The following MELK variants were observed in gnomAD, a reference collection of about 807,000 sequenced individuals.
MELK encodes pEg3 kinase.
A neutral mutation model predicts 85.0 loss-of-function variants in MELK; 81 were observed. That is an observed-to-expected ratio of 0.95 (90% CI 0.80 to 1.15). The LOEUF (loss-of-function observed/expected upper bound fraction) is 1.15, where lower values mean the gene tolerates loss of function less well. MELK is among the 50% of genes most tolerant of loss of function. The pLI, the probability that MELK is intolerant of heterozygous loss-of-function variation, is 0.00. For synonymous variants in MELK, 252 were observed against 265.0 expected (o/e 0.95, Z 0.48); for missense variants, 754 against 777.5 (o/e 0.97, Z 0.36).
At position 36,677,408 on chromosome 9, in the gene MELK, C is replaced by T; in HGVS notation, c.*71C>T. On this transcript the variant is annotated 3_prime_UTR_variant, in exon 18 of 18. Transcript: ENST00000298048. ...GCCTACATAAAGACTGTTATGATCG[C>T]TTTGATTTTAAAGTTCATTGGAACT... 1 of 1,371,664 alleles carries T rather than the reference C, an allele frequency of 7.3e-7. No individual in the cohort carries two copies. Among genetic ancestry groups the T allele is most frequent in the Non-Finnish European group, 9.6e-7 (1 of 1,036,762 alleles). The allele number at this position is 1,371,664 out of a possible 1,614,324, so 85.0% of individuals were successfully genotyped here.
At chr9:36,593,961 G>A (rs980785417) in intron 4 of MELK, among the ~76,000 whole-genome samples, 3 of 152,102 alleles carry the variant, frequency 2.0e-5, no homozygotes, top group East Asian at 1.9e-4. Context: ...CCTGAGCCAC[G>A]GCGCCTGGCC....
intron 8 of MELK, among the ~76,000 whole-genome samples, chr9:36,620,157 T>C (rs1212595141): frequency 6.6e-6 from 1 of 152,204 alleles, no homozygotes; most frequent in Non-Finnish European, 1.5e-5. Flanking sequence ...AGCCCATTCT[T>C]ATAACCACAA....
intron 7 of MELK, among the ~76,000 whole-genome samples, chr9:36,600,406 T>TG (rs544915014): frequency 8.2e-4 from 121 of 147,458 alleles, no homozygotes; most frequent in Non-Finnish European, 1.5e-3. Flanking sequence ...CTTTTGGAGA[T>TG]GGAGTCTCAC....
Position 36,651,837 on chromosome 9 carries a change from C to T in MELK, c.1013C>T (p.Ser338Phe), listed in dbSNP as rs1450719235. 1.2e-6 allele frequency: 2 copies of T among 1,614,032 alleles called. No homozygotes were observed. Among genetic ancestry groups the T allele is most frequent in the Non-Finnish European group, 1.7e-6 (2 of 1,179,994 alleles). The change falls in exon 12 of 18, where the codon TCC becomes TTC. Residue 338 changes from serine (S) to phenylalanine (F), a missense_variant. Ser to Phe is a radical substitution (Grantham distance 155). Coordinates refer to ENST00000298048, the MANE Select transcript of MELK (RefSeq NM_014791.4). ...KPVRLRLSSF[S>F]CGQASATPFT... is the part of the protein sequence containing the mutation. ...GTTCGTTTAAGGCTTTCTTCTTTCT[C>T]CTGTGGACAAGCCAGTGCTACCCCA...
Position 36,631,375 on chromosome 9 carries a change from C to T in MELK, c.735+1008C>T, listed in dbSNP as rs149742248. On this transcript the variant is annotated intron_variant, in intron 9 of 17. Transcript: ENST00000298048. ...TGGGTTCCCAGGTTCAAGTGGTTCT[C>T]GTGCCTCAGCCTCCCAAGTAGCTGG... 2.5e-3 allele frequency among the ~76,000 whole-genome samples: 383 copies of T among 152,114 alleles called. 1 individual carries two copies. Among genetic ancestry groups the T allele is most frequent in the African/African-American group, 8.6e-3 (355 of 41,484 alleles).
chr9:36,646,410 G>T (rs1290099607), intron 11 of MELK, among the ~76,000 whole-genome samples: 1 of 152,120 alleles, frequency 6.6e-6, no homozygotes, highest in East Asian at 1.9e-4. Flanking sequence ...GAGAGAGAGA[G>T]AAACAATATT....
intron 13 of MELK, among the ~76,000 whole-genome samples, chr9:36,660,930 G>A (rs1458048335): frequency 6.6e-6 from 1 of 152,148 alleles, no homozygotes; most frequent in Non-Finnish European, 1.5e-5. Context: ...GGTGGAGTTT[G>A]CAGTGAGCTG....
chr9:36,645,058 G>A (rs1052512432), intron 11 of MELK, among the ~76,000 whole-genome samples: 4 of 151,756 alleles, frequency 2.6e-5, no homozygotes, highest in Admixed American at 2.6e-4. Context: ...CATGAGGTCA[G>A]GAGATTGAGG....
rs530691430 is a variant in MELK, at chr9:36,602,663, G to A, written c.567+3177G>A. On this transcript the variant is annotated intron_variant, in intron 7 of 17. Coordinates refer to ENST00000298048, the MANE Select transcript of MELK (RefSeq NM_014791.4). Reference sequence around the variant, plus strand: ...CAACCTCAGCCTCCTGGGTTCAAGCGATTCTCCTGCCTCAGCCTCCAGAGT... The same window carrying A: ...CAACCTCAGCCTCCTGGGTTCAAGCAATTCTCCTGCCTCAGCCTCCAGAGT... 3.6e-3 allele frequency among the ~76,000 whole-genome samples: 538 copies of A among 149,936 alleles called. 3 individuals carry two copies. Among genetic ancestry groups the A allele is most frequent in the African/African-American group, 0.012 (489 of 40,756 alleles).
chr9:36,651,812 G>A lies in MELK; in HGVS notation c.988G>A (p.Val330Ile), dbSNP rs1830726462. 1 of 1,613,912 alleles carries A rather than the reference G, an allele frequency of 6.2e-7. No homozygotes were observed. Among genetic ancestry groups the A allele is most frequent in the African/African-American group, 1.3e-5 (1 of 74,892 alleles). ...AGCCAAGAAGGCTCGGGGAAAACCAGTTCGTTTAAGGCTTTCTTCTTTCTC... is the reference window on the plus strand; with the variant it reads ...AGCCAAGAAGGCTCGGGGAAAACCAATTCGTTTAAGGCTTTCTTCTTTCTC... Reference protein sequence around the residue: ...LLAKKARGKPVRLRLSSFSCG... With the variant: ...LLAKKARGKPIRLRLSSFSCG... Residue 330 changes from valine to isoleucine, a missense_variant, in exon 12 of 18, where the codon GTT (valine) becomes ATT (isoleucine). Physicochemically the swap from Val to Ile is conservative, Grantham distance 29 (BLOSUM62 3). Transcript: ENST00000298048.
chr9:36,632,027 T>C (rs1828688492), intron 9 of MELK, among the ~76,000 whole-genome samples: 1 of 152,224 alleles, frequency 6.6e-6, no homozygotes, highest in South Asian at 2.1e-4. Flanking sequence ...TGAGTTGATG[T>C]ACTATTGAAT....
intron 7 of MELK, among the ~76,000 whole-genome samples, chr9:36,605,137 CT>C (rs772540882): frequency 2.5e-4 from 38 of 152,072 alleles, no homozygotes; most frequent in Non-Finnish European, 4.7e-4. Flanking sequence ...GGTGATCTGC[CT>C]ACCTTGCTTC....
chr9:36,630,554 T>C (rs1828454992), intron 9 of MELK, among the ~76,000 whole-genome samples, 187 bp downstream of exon 9: 1 of 152,128 alleles, frequency 6.6e-6, no homozygotes, highest in Non-Finnish European at 1.5e-5. Context: ...ACACCTACCA[T>C]ATGTTATAGC....
At chr9:36,630,642 TATTG>T (rs141676240) in intron 9 of MELK, among the ~76,000 whole-genome samples, 4,406 of 152,228 alleles carry the variant, frequency 0.029, 214 homozygotes, top group African/African-American at 0.1. Flanking sequence ...ATTCCAAAAT[TATTG>T]ATTGATTGAT....
chr9:36,648,779 C>T (rs1830441518), intron 11 of MELK, among the ~76,000 whole-genome samples: 1 of 152,174 alleles, frequency 6.6e-6, no homozygotes, highest in South Asian at 2.1e-4. Flanking sequence ...AGAGAGGAGC[C>T]TTCAAGGTAT....
chr9:36,671,121 G>A lies in MELK; in HGVS notation c.1629G>A (p.Arg543=). 6.2e-7 allele frequency: 1 copy of A among 1,610,704 alleles called. No individual in the cohort carries two copies. Among genetic ancestry groups the A allele is most frequent in the Non-Finnish European group, 8.5e-7 (1 of 1,178,378 alleles). The change falls in exon 16 of 18, where the codon AGG becomes AGA. Residue 543 remains arginine, a synonymous_variant. Coordinates refer to ENST00000298048, the MANE Select transcript of MELK (RefSeq NM_014791.4). ...ATAAGGTTATCACTGTGCTCACCAG[G>A]AGCAAAAGGAAGGGTTCTGCCAGAG... ...GLDKVITVLT[R]SKRKGSARDG...
At chr9:36,588,621 C>T (rs371457957) in intron 3 of MELK, among the ~76,000 whole-genome samples, 8 of 149,758 alleles carry the variant, frequency 5.3e-5, no homozygotes, top group Admixed American at 4.7e-4. Context: ...TCAGGTAGTC[C>T]GCCCACCTTA....
chr9:36,595,760 C>T (rs1041421226), intron 5 of MELK, among the ~76,000 whole-genome samples: 1 of 151,952 alleles, frequency 6.6e-6, no homozygotes, highest in Non-Finnish European at 1.5e-5. Flanking sequence ...CGTATGCCAC[C>T]ATGCCTGGCT....
intron 8 of MELK, 117 bp downstream of exon 8, chr9:36,607,790 C>G (rs542161396): frequency 1.3e-6 from 1 of 766,452 alleles, no homozygotes; most frequent in Admixed American, 2.4e-5. Flanking sequence ...TGTTAGAAGT[C>G]AAAATCTTAG....
Sources: gnomAD v4.1 joint callset for allele counts (sites outside exome capture counted in the v4.1 genomes callset) on GRCh38, gnomAD v4.1.1 for gene constraint, MANE v1.5 for transcripts, NCBI Gene and HGNC (gene_info 2026-07-23, HGNC 2026-07-21) for gene names.